The following MROH2A variants were observed in gnomAD, a reference collection of about 807,000 sequenced individuals.
MROH2A encodes the protein maestro heat-like repeat-containing protein family member 2A.
In MROH2A, 174 loss-of-function variants were observed where a neutral mutation model predicts 200.4. The ratio of observed to expected loss-of-function variants is 0.87; its 90% confidence interval spans 0.77 to 0.98. The LOEUF (loss-of-function observed/expected upper bound fraction) is 0.98. MROH2A is among the 50% of genes least tolerant of loss of function. The pLI, the probability that MROH2A is intolerant of heterozygous loss-of-function variation, is 0.00. For synonymous variants in MROH2A, 829 were observed against 840.4 expected (o/e 0.99, Z 0.23); for missense variants, 2,045 against 2,139.6 (o/e 0.96, Z 0.87).
chr2:233,819,227 TG>T, intron 29 of MROH2A, 89 bp from the exon 30 acceptor site: 1 of 1,293,188 alleles, frequency 7.7e-7, no homozygotes, highest in Non-Finnish European at 1.1e-6. Context: ...GAGCCTGGAG[TG>T]GGGCCATGGG....
chr2:233,821,787 A>ATATTAG (rs1703952176), intron 31 of MROH2A, among the ~76,000 whole-genome samples: 2 of 152,054 alleles, frequency 1.3e-5, no homozygotes, highest in African/African-American at 2.4e-5. Flanking sequence ...AACCAACCTG[A>ATATTAG]TGCAAATTGG....
In MROH2A at chr2:233,828,332, GTGGCTCTTGCA is replaced by G. The variant is rs1052705246; in HGVS notation, c.4114-296_4114-286del. Among the ~76,000 whole-genome samples, 22 of 152,304 alleles carry G rather than the reference GTGGCTCTTGCA, an allele frequency of 1.4e-4. No individual in the cohort carries two copies. Among genetic ancestry groups the G allele is most frequent in the East Asian group, 7.7e-4 (4 of 5,186 alleles). On this transcript the variant is annotated intron_variant, in intron 35 of 41. Coordinates refer to ENST00000389758, the MANE Select transcript of MROH2A (RefSeq NM_001394639.1). This position sits in a 1 kb window ranked among gnomAD's most constrained non-coding sequence, Gnocchi z 4.6. ...CCTTTCTGTTCAGATGCAGGTGGGC[GTGGCTCTTGCA>G]TTTGGCAGTGGCTGTTATGTTACCT...
At chr2:233,830,278 G>A (rs1704634332) in intron 38 of MROH2A, among the ~76,000 whole-genome samples, 1 of 152,124 alleles carries the variant, frequency 6.6e-6, no homozygotes, top group South Asian at 2.1e-4. Flanking sequence ...TTGAGTTGCT[G>A]CCTCTCAGGC....
Position 233,819,466 on chromosome 2 carries a change from C to A in MROH2A, c.3354C>A (p.Asp1118Glu). ...FLQMRAKELE[D>E]KVAEILSAIL... is the part of the protein sequence containing the mutation. ...AGATGCGGGCCAAGGAGCTGGAGGA[C>A]AAGGTGGCAGAGCCGCGGCAGGGCC... Residue 1118 changes from aspartate (D) to glutamate (E), a missense_variant, in exon 30 of 42, where the codon GAC becomes GAA. Coordinates refer to ENST00000389758, the MANE Select transcript of MROH2A (RefSeq NM_001394639.1). The A allele has an allele frequency of 6.5e-7, 1 of 1,550,086 alleles. No individual in the cohort carries two copies. Among genetic ancestry groups the A allele is most frequent in the Non-Finnish European group, 8.7e-7 (1 of 1,146,812 alleles).
At chr2:233,802,457 T>TATCCAGGTAGGCATTAATA in intron 15 of MROH2A, 142 bp downstream of exon 15, 3 of 917,600 alleles carry the variant, frequency 3.3e-6, no homozygotes, top group Non-Finnish European at 4.9e-6. Flanking sequence ...ATACTATTAA[T>TATCCAGGTAGGCATTAATA]GCCTACCTGG....
At chr2:233,782,770 G>A (rs1701009355) in intron 3 of MROH2A, among the ~76,000 whole-genome samples, 2 of 152,148 alleles carry the variant, frequency 1.3e-5, no homozygotes, top group Admixed American at 1.3e-4. Flanking sequence ...AGTGGTAAAA[G>A]TGGGCATTTT....
At chr2:233,829,549 T>C (rs1704570409) in intron 37 of MROH2A, 71 bp from the exon 38 acceptor site, 1 of 1,338,172 alleles carries the variant, frequency 7.5e-7, no homozygotes, top group Non-Finnish European at 9.7e-7. Context: ...TGGGTATTCC[T>C]TGGAGAATGG....
Position 233,807,288 on chromosome 2 carries a change from G to A in MROH2A, c.2053-135G>A. 3.1e-6 allele frequency: 3 copies of A among 980,932 alleles called. No homozygotes were observed. The highest frequency in any genetic ancestry group is 4.4e-6 in the Non-Finnish European group (3 of 688,696). 60.8% of individuals were successfully genotyped at this position (980,932 alleles called of 1,614,324 possible). ...CATTTTTGCACTTGTGAATTGTGCT[G>A]CTGTAAACGTGTGTGCAAGTATCTT... is the stretch of plus-strand genomic sequence containing the variant. On this transcript the variant is annotated intron_variant, in intron 19 of 41. Coordinates refer to ENST00000389758, the MANE Select transcript of MROH2A (RefSeq NM_001394639.1). The surrounding 1 kb of genome is among the most constrained non-coding windows in gnomAD (Gnocchi z 4.3).
chr2:233,831,644 A>T, intron 39 of MROH2A, 104 bp downstream of exon 39: 1 of 1,266,616 alleles, frequency 7.9e-7, no homozygotes, highest in Non-Finnish European at 1.1e-6. Context: ...CCCTATGTTT[A>T]CCTTCCACAC....
chr2:233,795,617 G>A (rs1261844134), intron 8 of MROH2A, 36 bp from the exon 9 acceptor site: 3 of 1,550,582 alleles, frequency 1.9e-6, no homozygotes, highest in African/African-American at 1.4e-5. Context: ...TGAGTTGGTA[G>A]AAGGTCACCT....
At chr2:233,778,058 A>G (rs1232885918), upstream of MROH2A, among the ~76,000 whole-genome samples, 1 of 152,094 alleles carries the variant, frequency 6.6e-6, no homozygotes, top group Non-Finnish European at 1.5e-5. Context: ...CAGGGCTCAC[A>G]TGACTGTGTT....
intron 19 of MROH2A, among the ~76,000 whole-genome samples, chr2:233,805,553 G>T (rs1170633415): frequency 6.6e-6 from 1 of 152,020 alleles, no homozygotes; most frequent in Non-Finnish European, 1.5e-5. Context: ...TCCTAAAATT[G>T]ATCCTAAAAT....
intron 8 of MROH2A, 72 bp from the exon 9 acceptor site, chr2:233,795,581 A>C: frequency 6.5e-7 from 1 of 1,549,214 alleles, no homozygotes; most frequent in Non-Finnish European, 8.7e-7. Flanking sequence ...TGGGCCCCTG[A>C]GTAGCGAGGG....
In MROH2A at chr2:233,807,398, T is replaced by C; in HGVS notation, c.2053-25T>C. 1 of 1,538,814 alleles carries C rather than the reference T, an allele frequency of 6.5e-7. No homozygotes were observed. Among genetic ancestry groups the C allele is most frequent in the Non-Finnish European group, 8.8e-7 (1 of 1,139,170 alleles). ...AGGCTGGCTGTAGGGAGGCCTGAGC[T>C]CCTTCCTCCCTTCTGCCTCTCCAGG... On this transcript the variant is annotated intron_variant, in intron 19 of 41. Coordinates refer to ENST00000389758, the MANE Select transcript of MROH2A (RefSeq NM_001394639.1). This position sits in a 1 kb window ranked among gnomAD's most constrained non-coding sequence, Gnocchi z 4.3.
At chr2:233,830,901 TG>T (rs3064780) in intron 38 of MROH2A, among the ~76,000 whole-genome samples, 1 of 151,264 alleles carries the variant, frequency 6.6e-6, no homozygotes, top group Non-Finnish European at 1.5e-5. Context: ...TCCAGTGGGG[TG>T]GGGGGGCTTC....
chr2:233,819,404 G>A lies in MROH2A; in HGVS notation c.3292G>A (p.Asp1098Asn). 2 of 1,550,576 alleles carry A rather than the reference G, an allele frequency of 1.3e-6. No individual in the cohort carries two copies. The highest frequency in any genetic ancestry group is 1.7e-6 in the Non-Finnish European group (2 of 1,146,960). The change falls in exon 30 of 42, where the codon GAC becomes AAC. Residue 1098 changes from aspartate to asparagine, a missense_variant. Transcript: ENST00000389758. ...ENTGAMNLQH[D>N]KASVTWIAFF... ...CACTGGGGCCATGAACCTGCAGCAT[G>A]ACAAGGCCTCTGTCACCTGGATAGC...
chr2:233,804,937 C>T lies in MROH2A; in HGVS notation c.1945-67C>T, dbSNP rs1559460560. On this transcript the variant is annotated intron_variant, in intron 18 of 41. Coordinates refer to ENST00000389758, the MANE Select transcript of MROH2A (RefSeq NM_001394639.1). The stretch of plus-strand genomic sequence containing the variant: ...AGTACTCAAGGTCCCGTAGCATTCC[C>T]AGAGCCCAGGCAAGAACAAGGATGA... The T allele has an allele frequency of 1.6e-5, 15 of 912,950 alleles. No homozygotes were observed. The South Asian group carries it at 2.1e-4, about 13-fold the overall frequency. 56.6% of individuals were successfully genotyped at this position (912,950 alleles called of 1,614,324 possible).
In MROH2A at chr2:233,822,261, T is replaced by G. The variant is rs1310838340; in HGVS notation, c.3650T>G (p.Leu1217Arg). ...SATSKADIWR[L>R]AAVDPLMTLC... ...ACCTCCAAGGCTGACATCTGGCGCCTGGCTGCGGTGGACCCCCTGATGGTG... is the reference window on the plus strand; with the variant it reads ...ACCTCCAAGGCTGACATCTGGCGCCGGGCTGCGGTGGACCCCCTGATGGTG... The change falls in exon 32 of 42, where the codon CTG becomes CGG. Residue 1217 changes from leucine to arginine, a missense_variant. Leu to Arg is a moderately radical substitution (Grantham distance 102). Transcript: ENST00000389758. 2 of 1,547,520 alleles carry G rather than the reference T, an allele frequency of 1.3e-6. No individual in the cohort carries two copies. Among genetic ancestry groups the G allele is most frequent in the East Asian group, 2.4e-5 (1 of 40,900 alleles).
chr2:233,818,786 C>T lies in MROH2A; in HGVS notation c.3204+16C>T, dbSNP rs931914806. ...AATCGCCAAGGTGACAGCCGGGGAG[C>T]CTGCCTGGGCTGCCAGGCTGGTCTC... On this transcript the variant is annotated intron_variant, in intron 29 of 41. Transcript: ENST00000389758. 6.1e-6 allele frequency: 9 copies of T among 1,486,774 alleles called. No homozygotes were observed. The highest frequency in any genetic ancestry group is 2.4e-5 in the South Asian group (2 of 82,134). 92.1% of individuals were successfully genotyped at this position (1,486,774 alleles called of 1,614,324 possible).
Sources: allele counts gnomAD v4.1 joint callset (sites outside exome capture counted in the v4.1 genomes callset), GRCh38; gene constraint gnomAD v4.1.1; non-coding constraint Gnocchi (gnomAD v3.1); transcripts MANE v1.5; gene names NCBI Gene and HGNC (gene_info 2026-07-23, HGNC 2026-07-21).